DNAJC1: variants seen among roughly 807,000 people sequenced by gnomAD.
DNAJC1 encodes DnaJ heat shock protein family (Hsp40) member C1, also known as dnaJ homolog subfamily C member 1.
A neutral mutation model predicts 76.6 loss-of-function variants in DNAJC1; 58 were observed. That is an observed-to-expected ratio of 0.76 (90% CI 0.61 to 0.94). The LOEUF is 0.94. DNAJC1 is among the 40% of genes least tolerant of loss of function. The probability of loss-of-function intolerance (pLI) is 0.00; values close to 1 mark genes in which losing one functional copy is unlikely to be tolerated. For synonymous variants in DNAJC1, 258 were observed against 267.9 expected (o/e 0.96, Z 0.36); for missense variants, 689 against 677.3 (o/e 1.02, Z -0.19).
At chr10:21,996,166 G>C (rs1045466146) in intron 1 of DNAJC1, among the ~76,000 whole-genome samples, 1 of 151,930 alleles carries the variant, frequency 6.6e-6, no homozygotes, top group African/African-American at 2.4e-5. Context: ...CTTTATTTTT[G>C]TATAACTCTG....
At chr10:21,889,564 G>A (rs1257914669) in intron 7 of DNAJC1, among the ~76,000 whole-genome samples, 1 of 152,012 alleles carries the variant, frequency 6.6e-6, no homozygotes, top group Non-Finnish European at 1.5e-5. Flanking sequence ...ACAAACACAA[G>A]AAGAATTTGA....
At chr10:21,957,544 T>C (rs1564838188) in intron 1 of DNAJC1, among the ~76,000 whole-genome samples, 1 of 152,220 alleles carries the variant, frequency 6.6e-6, no homozygotes, top group South Asian at 2.1e-4. Context: ...TACTTACCCA[T>C]TCATATTTGA....
At chr10:21,832,705 TATTGCAAAA>T (rs1835380223) in intron 8 of DNAJC1, among the ~76,000 whole-genome samples, 1 of 152,206 alleles carries the variant, frequency 6.6e-6, no homozygotes, top group Non-Finnish European at 1.5e-5. Context: ...TTACTAAGAC[TATTGCAAAA>T]ATCTTCTAAT....
intron 9 of DNAJC1, among the ~76,000 whole-genome samples, chr10:21,772,621 T>C (rs937327683): frequency 6.6e-6 from 1 of 152,144 alleles, no homozygotes; most frequent in Non-Finnish European, 1.5e-5. Context: ...GTCCTTTCTC[T>C]TTTTTTCTTG....
At chr10:21,816,550 T>G (rs1263501705) in intron 8 of DNAJC1, among the ~76,000 whole-genome samples, 1 of 148,926 alleles carries the variant, frequency 6.7e-6, no homozygotes, top group African/African-American at 2.5e-5. Flanking sequence ...TCTCTCTTTT[T>G]TTTTTTTTTT....
At chr10:21,852,008 A>AC (rs1835763456) in intron 8 of DNAJC1, among the ~76,000 whole-genome samples, 1 of 151,798 alleles carries the variant, frequency 6.6e-6, no homozygotes, top group African/African-American at 2.4e-5. Flanking sequence ...AGCCGAGATC[A>AC]CGCCGCTGCA....
chr10:21,793,820 G>A (rs192954252), intron 9 of DNAJC1, among the ~76,000 whole-genome samples: 1 of 152,194 alleles, frequency 6.6e-6, no homozygotes, highest in Admixed American at 6.5e-5. Context: ...GGCAGTGGTG[G>A]TCCATCCCTG....
At chr10:21,841,396 A>C (rs1373877348) in intron 8 of DNAJC1, among the ~76,000 whole-genome samples, 2 of 152,182 alleles carry the variant, frequency 1.3e-5, no homozygotes, top group African/African-American at 2.4e-5. Context: ...AACTCAAACA[A>C]ATTTACAAGA....
At chr10:21,874,833 A>G (rs1836158183) in intron 8 of DNAJC1, among the ~76,000 whole-genome samples, 1 of 152,202 alleles carries the variant, frequency 6.6e-6, no homozygotes, top group Non-Finnish European at 1.5e-5. Flanking sequence ...CCTATAGCAC[A>G]CATCATATTT....
At chr10:21,965,559 T>C (rs1312431430) in intron 1 of DNAJC1, among the ~76,000 whole-genome samples, 5 of 152,164 alleles carry the variant, frequency 3.3e-5, no homozygotes, top group African/African-American at 1.2e-4. Flanking sequence ...GGGAACAAAT[T>C]AACAATGTTT....
chr10:21,842,612 G>A (rs1835592055), intron 8 of DNAJC1, among the ~76,000 whole-genome samples: 1 of 152,192 alleles, frequency 6.6e-6, no homozygotes, highest in Non-Finnish European at 1.5e-5. Flanking sequence ...GAATAGGCAA[G>A]AGGTTTTAAA....
chr10:21,833,104 G>C (rs988508826), intron 8 of DNAJC1, among the ~76,000 whole-genome samples: 1 of 152,160 alleles, frequency 6.6e-6, no homozygotes, highest in Non-Finnish European at 1.5e-5. Flanking sequence ...CTCTCACAAA[G>C]TACACCTCAA....
chr10:21,908,062 TATA>T (rs1836778976), intron 6 of DNAJC1, among the ~76,000 whole-genome samples: 1 of 116,890 alleles, frequency 8.6e-6, no homozygotes, highest in Non-Finnish European at 1.7e-5. Context: ...ATATATATAA[TATA>T]ATATACATAA....
intron 9 of DNAJC1, among the ~76,000 whole-genome samples, chr10:21,767,777 C>T (rs1188820311): frequency 6.6e-6 from 1 of 152,222 alleles, no homozygotes. Context: ...AGCCAGATCA[C>T]TTGAGGTCAG....
chr10:21,854,027 T>G (rs1160339965), intron 8 of DNAJC1, among the ~76,000 whole-genome samples: 1 of 151,938 alleles, frequency 6.6e-6, no homozygotes, highest in Non-Finnish European at 1.5e-5. Flanking sequence ...AGTGATTAAG[T>G]GAAACAAATT....
At chr10:21,987,192 C>A (rs1838263042) in intron 1 of DNAJC1, among the ~76,000 whole-genome samples, 1 of 152,144 alleles carries the variant, frequency 6.6e-6, no homozygotes, top group Non-Finnish European at 1.5e-5. Flanking sequence ...ATTTTATACT[C>A]CCTCAGCTTT....
intron 7 of DNAJC1, among the ~76,000 whole-genome samples, chr10:21,888,433 C>T (rs1296434273): frequency 6.6e-6 from 1 of 152,128 alleles, no homozygotes; most frequent in East Asian, 1.9e-4. Flanking sequence ...GACACATGCA[C>T]ACAGATGTTC....
At chr10:21,781,264 C>A (rs909410841) in intron 9 of DNAJC1, among the ~76,000 whole-genome samples, 4 of 152,194 alleles carry the variant, frequency 2.6e-5, no homozygotes, top group Admixed American at 2.6e-4. Flanking sequence ...ATCAACAGAA[C>A]TCTCCACCCC....
At position 21,762,653 on chromosome 10, in the gene DNAJC1, A is replaced by G. The variant is rs374383084; in HGVS notation, c.1148-3035T>C. On this transcript the variant is annotated intron_variant, in intron 10 of 11. Transcript: ENST00000376980. ...AGATGGGGCTCTTGCTCTGTCACCC[A>G]GGCTGGAGTGCAGTGGTGTGATCAT... Among the ~76,000 whole-genome samples, 43 of 152,312 alleles carry G rather than the reference A, an allele frequency of 2.8e-4. 2 individuals are homozygous for G. The highest frequency in any genetic ancestry group is 9.6e-4 in the African/African-American group (40 of 41,574).
Sources: allele counts gnomAD v4.1 joint callset (sites outside exome capture counted in the v4.1 genomes callset), GRCh38; gene constraint gnomAD v4.1.1; transcripts MANE v1.5; gene names NCBI Gene and HGNC (gene_info 2026-07-23, HGNC 2026-07-21).